CEMIP: variants seen among roughly 807,000 people sequenced by gnomAD.
The protein encoded by CEMIP is cell migration-inducing and hyaluronan-binding protein.
CEMIP carries 105 observed loss-of-function variants against 156.9 expected under a neutral mutation model. The ratio of observed to expected loss-of-function variants is 0.67; its 90% confidence interval spans 0.57 to 0.79. The LOEUF is 0.79. CEMIP is among the 30% of genes least tolerant of loss of function. The pLI, the probability that CEMIP is intolerant of heterozygous loss-of-function variation, is 0.00. For missense variants in CEMIP, 1,457 were observed against 1,769.4 expected, an observed-to-expected ratio of 0.82 and a Z score of 3.17; for synonymous variants, 676 against 668.4, an observed-to-expected ratio of 1.01 and a Z score of -0.17.
intron 23 of CEMIP, among the ~76,000 whole-genome samples, chr15:80,934,963 G>A (rs963924903): frequency 1.3e-5 from 2 of 152,204 alleles, no homozygotes; most frequent in Admixed American, 6.5e-5. Context: ...AGTGGAAAAT[G>A]TTGACAAGAA....
At chr15:80,894,127 A>G (rs1486340265) in intron 10 of CEMIP, among the ~76,000 whole-genome samples, 1 of 152,178 alleles carries the variant, frequency 6.6e-6, no homozygotes, top group Non-Finnish European at 1.5e-5. Flanking sequence ...CCTGGGCTGA[A>G]TGCTGGGGAC....
chr15:80,948,623 A>T lies in CEMIP; in HGVS notation c.3959-174A>T. ...GACCCTGCCTGCCCCATACAAACAC[A>T]TGTCAGGCACCATCAGTAGCTGAGC... is the stretch of plus-strand genomic sequence containing the variant. On this transcript the variant is annotated intron_variant, in intron 29 of 29. Transcript: ENST00000394685. 8.3e-6 allele frequency: 7 copies of T among 845,124 alleles called. No individual in the cohort carries two copies. The South Asian group carries it at 1.0e-4, about 12-fold the overall frequency. 52.4% of individuals were successfully genotyped at this position (845,124 alleles called of 1,614,324 possible).
At chr15:80,840,311 GA>G (rs1442344320) in intron 1 of CEMIP, among the ~76,000 whole-genome samples, 1 of 152,134 alleles carries the variant, frequency 6.6e-6, no homozygotes, top group Non-Finnish European at 1.5e-5. Context: ...GGAGGGTGGG[GA>G]CGAGTCATTC....
At chr15:80,875,293 C>A (rs1347473579) in intron 3 of CEMIP, among the ~76,000 whole-genome samples, 1 of 152,062 alleles carries the variant, frequency 6.6e-6, no homozygotes, top group Non-Finnish European at 1.5e-5. Flanking sequence ...CCTCGGTCTC[C>A]CAAAGTGCTG....
At position 80,951,431 on chromosome 15, in the gene CEMIP, G is replaced by GACTT. The variant is rs1366395949; in HGVS notation, c.*2509_*2512dup. On this transcript the variant is annotated 3_prime_UTR_variant, in exon 30 of 30. Transcript: ENST00000394685. ...TCCTCCTTGTTATTTCTGTTTGTAA[G>GACTT]ACTTAAGTGAGTTAGGTCTTTAAGG... 1 of 152,576 alleles carries GACTT rather than the reference G, an allele frequency of 6.6e-6. No homozygotes were observed. Among genetic ancestry groups the GACTT allele is most frequent in the Non-Finnish European group, 1.5e-5 (1 of 68,034 alleles). 9.5% of individuals were successfully genotyped at this position (152,576 alleles called of 1,614,324 possible).
chr15:80,919,568 C>T (rs1900396473), intron 14 of CEMIP, among the ~76,000 whole-genome samples: 1 of 152,160 alleles, frequency 6.6e-6, no homozygotes. Flanking sequence ...AATCCCAGCA[C>T]TTTGGGAGCC....
Position 80,906,907 on chromosome 15 carries a change from G to A in CEMIP, c.1587+69G>A. 1 of 1,518,264 alleles carries A rather than the reference G, an allele frequency of 6.6e-7. No homozygotes were observed. The highest frequency in any genetic ancestry group is 9.0e-7 in the Non-Finnish European group (1 of 1,115,066). The allele number at this position is 1,518,264 out of a possible 1,614,324, so 94.0% of individuals were successfully genotyped here. ...TTCCTATGATGTCAGCCTCTAGACG[G>A]GCCTTCTTGGTAGGGATGAGGGTGG... On this transcript the variant is annotated intron_variant, in intron 13 of 29. Coordinates refer to ENST00000394685, the MANE Select transcript of CEMIP (RefSeq NM_001293298.2). This position sits in a 1 kb window ranked among gnomAD's most constrained non-coding sequence, Gnocchi z 4.3.
chr15:80,858,083 A>G (rs113596309), intron 1 of CEMIP, among the ~76,000 whole-genome samples: 2,007 of 152,238 alleles, frequency 0.013, 25 homozygotes, highest in Middle Eastern at 0.027. Context: ...AGGGCTGGAT[A>G]AAGGGCTCTG....
intron 8 of CEMIP, among the ~76,000 whole-genome samples, chr15:80,888,499 C>T (rs545021636): frequency 1.1e-4 from 17 of 152,322 alleles, no homozygotes; most frequent in African/African-American, 3.8e-4. Flanking sequence ...TGGAACTAAA[C>T]TTTCAAAACT....
At chr15:80,897,271 A>C (rs1003857879) in intron 12 of CEMIP, 2 of 455,926 alleles carry the variant, frequency 4.4e-6, no homozygotes, top group African/African-American at 4.0e-5. Flanking sequence ...ATTATTTTGG[A>C]AAGAAACCCA....
intron 9 of CEMIP, 77 bp downstream of exon 9, chr15:80,888,873 G>A: frequency 8.0e-7 from 1 of 1,245,300 alleles, no homozygotes; most frequent in Non-Finnish European, 1.2e-6. Flanking sequence ...GCAGAACTAG[G>A]ATTTATCTCT....
intron 1 of CEMIP, among the ~76,000 whole-genome samples, chr15:80,809,145 T>A (rs1024292475): frequency 6.6e-6 from 1 of 152,220 alleles, no homozygotes; most frequent in Admixed American, 6.5e-5. Context: ...CAATTTCACT[T>A]CTGACACCTG....
At chr15:80,797,616 G>A (rs1389874023) in intron 1 of CEMIP, among the ~76,000 whole-genome samples, 1 of 151,738 alleles carries the variant, frequency 6.6e-6, no homozygotes, top group Non-Finnish European at 1.5e-5. Context: ...AGTTGTGTGT[G>A]TCATTTCTAG....
At chr15:80,917,287 G>GGGCAGGA (rs3974340) in intron 14 of CEMIP, among the ~76,000 whole-genome samples, 24,898 of 150,924 alleles carry the variant, frequency 0.16, 2,316 homozygotes, top group East Asian at 0.26. Flanking sequence ...AAAGAGCTAT[G>GGGCAGGA]GGCAGGAGGC....
At chr15:80,823,221 G>T (rs1257650074) in intron 1 of CEMIP, among the ~76,000 whole-genome samples, 2 of 152,180 alleles carry the variant, frequency 1.3e-5, no homozygotes, top group South Asian at 2.1e-4. Context: ...GTCTCGGCCT[G>T]TGTGGTTTTT....
At chr15:80,926,815 C>G (rs868001354) in intron 19 of CEMIP, among the ~76,000 whole-genome samples, 4 of 8,430 alleles carry the variant, frequency 4.7e-4, no homozygotes, top group African/African-American at 2.6e-3. Context: ...AGAGACTGAG[C>G]GGGTGGGGGG....
At chr15:80,928,817 G>C in intron 19 of CEMIP, 85 bp from the exon 20 acceptor site, 2 of 1,549,792 alleles carry the variant, frequency 1.3e-6, no homozygotes, top group Non-Finnish European at 1.8e-6. Flanking sequence ...TTGACTCCAA[G>C]GGCAGGGAAG....
chr15:80,936,892 G>A lies in CEMIP; in HGVS notation c.3221+7G>A, dbSNP rs142724477. 5.0e-4 allele frequency: 803 copies of A among 1,613,582 alleles called. 8 individuals carry two copies. In the East Asian group the frequency reaches 0.016, roughly 31 times the overall value. On this transcript the variant is annotated splice_region_variant and intron_variant, in intron 24 of 29. Transcript: ENST00000394685. ...GGCTCATCAACTTCAACAAGTGAGT[G>A]GGTGTCCAGCCAGGAGCAGTGAGCT...
chr15:80,816,830 C>G (rs1353350324), intron 1 of CEMIP, among the ~76,000 whole-genome samples: 1 of 152,048 alleles, frequency 6.6e-6, no homozygotes, highest in Non-Finnish European at 1.5e-5. Context: ...ACCAGGTGAG[C>G]AATGAATACT....
Sources: gnomAD v4.1 joint callset for allele counts (sites outside exome capture counted in the v4.1 genomes callset) on GRCh38, gnomAD v4.1.1 for gene constraint, Gnocchi (gnomAD v3.1) non-coding constraint, MANE v1.5 for transcripts, NCBI Gene and HGNC (gene_info 2026-07-23, HGNC 2026-07-21) for gene names.